Variants in MED12L observed in about 807,000 individuals in gnomAD.
MED12L encodes the protein mediator complex subunit 12L.
MED12L carries 60 observed loss-of-function variants against 281.3 expected under a neutral mutation model. The ratio of observed to expected loss-of-function variants is 0.21; its 90% CI spans 0.17 to 0.26. MED12L has a LOEUF of 0.26. MED12L is among the 10% of genes least tolerant of loss of function. MED12L has a pLI of 1.00. For synonymous variants in MED12L, 974 were observed against 987.2 expected, an observed-to-expected ratio of 0.99 and a Z score of 0.25; for missense variants, 2,146 against 2,680.9, an observed-to-expected ratio of 0.80 and a Z score of 4.41.
At chr3:151,148,704 C>A (rs1232969698) in intron 5 of MED12L, among the ~76,000 whole-genome samples, 3 of 152,252 alleles carry the variant, frequency 2.0e-5, no homozygotes, top group Non-Finnish European at 2.9e-5. Context: ...TTAAAAAAAA[C>A]AATCTCTGTT....
At chr3:151,333,637 G>T (rs904906011) in intron 16 of MED12L, among the ~76,000 whole-genome samples, 1 of 152,100 alleles carries the variant, frequency 6.6e-6, no homozygotes, top group Non-Finnish European at 1.5e-5. Flanking sequence ...ATATATTTTT[G>T]AGCATTTTTT....
At chr3:151,347,635 T>C (rs962448001) in intron 16 of MED12L, among the ~76,000 whole-genome samples, 1 of 152,104 alleles carries the variant, frequency 6.6e-6, no homozygotes, top group Non-Finnish European at 1.5e-5. Context: ...AGGGAGGAAG[T>C]GCCCTGGAGT....
chr3:151,140,366 T>G (rs1237352491), intron 5 of MED12L, among the ~76,000 whole-genome samples: 1 of 152,216 alleles, frequency 6.6e-6, no homozygotes, highest in Non-Finnish European at 1.5e-5. Flanking sequence ...TTTTTTCTCT[T>G]GCAAAACTGA....
At chr3:151,103,431 G>C (rs900281542) in intron 2 of MED12L, among the ~76,000 whole-genome samples, 4 of 152,224 alleles carry the variant, frequency 2.6e-5, no homozygotes, top group Non-Finnish European at 5.9e-5. Context: ...GGAACTGCCT[G>C]TCTCACTAGG....
intron 16 of MED12L, among the ~76,000 whole-genome samples, chr3:151,254,375 G>T (rs1190399990): frequency 6.6e-6 from 1 of 152,176 alleles, no homozygotes; most frequent in Non-Finnish European, 1.5e-5. Context: ...ATTTACGTTT[G>T]AAGGATTGCA....
chr3:151,391,647 G>A (rs1262638930), intron 38 of MED12L, among the ~76,000 whole-genome samples: 1 of 152,146 alleles, frequency 6.6e-6, no homozygotes, highest in Non-Finnish European at 1.5e-5. Flanking sequence ...TTTTTGTTGG[G>A]CTGCATACAA....
chr3:151,369,515 C>T lies in MED12L; in HGVS notation c.3630C>T (p.Ala1210=), dbSNP rs762797982. 34 of 1,611,030 alleles carry T rather than the reference C, an allele frequency of 2.1e-5. No individual in the cohort carries two copies. The highest frequency in any genetic ancestry group is 2.4e-5 in the Non-Finnish European group (28 of 1,177,970). The change falls in exon 26 of 45, where the codon GCC becomes GCT. Residue 1210 remains alanine, a synonymous_variant. Coordinates refer to ENST00000687756, the MANE Select transcript of MED12L (RefSeq NM_001393769.1). The part of the protein sequence containing the change: ...AAAHNSIEVG[A]VFAVLKAIMM... ...CTCACAACAGCATTGAAGTGGGAGC[C>T]GTGTTTGCTGTCTTAAAAGCAATTA...
chr3:151,251,775 C>G (rs1001466268), intron 16 of MED12L, among the ~76,000 whole-genome samples: 4 of 152,180 alleles, frequency 2.6e-5, no homozygotes, highest in Non-Finnish European at 4.4e-5. Flanking sequence ...CTTCTTTCAC[C>G]TGGCTTATTC....
chr3:151,400,579 C>G (rs914187258), intron 39 of MED12L, among the ~76,000 whole-genome samples: 1 of 152,168 alleles, frequency 6.6e-6, no homozygotes, highest in African/African-American at 2.4e-5. Flanking sequence ...GTATCCAAAT[C>G]AAGGAAATAG....
In MED12L at chr3:151,179,437, C is replaced by G. The variant is rs62284840; in HGVS notation, c.1495-5893C>G. 5.3e-3 allele frequency among the ~76,000 whole-genome samples: 813 copies of G among 152,278 alleles called. 5 individuals carry two copies. Among genetic ancestry groups the G allele is most frequent in the South Asian group, 7.5e-3 (36 of 4,822 alleles). On this transcript the variant is annotated intron_variant, in intron 11 of 44. Transcript: ENST00000687756. Reference sequence around the variant, plus strand: ...CTGAAATGTTTTACAGGACATTGCACCTAATGAGTACCTGATGGAGTGAAT... The same window carrying G: ...CTGAAATGTTTTACAGGACATTGCAGCTAATGAGTACCTGATGGAGTGAAT...
intron 2 of MED12L, among the ~76,000 whole-genome samples, chr3:151,096,802 C>T (rs773843520): frequency 2.1e-4 from 32 of 152,180 alleles, no homozygotes; most frequent in Non-Finnish European, 4.0e-4. Flanking sequence ...ACTTGTGTGC[C>T]CTGATTTGTT....
At chr3:151,197,244 A>G (rs1008406464) in intron 16 of MED12L, among the ~76,000 whole-genome samples, 1 of 152,052 alleles carries the variant, frequency 6.6e-6, no homozygotes, top group Non-Finnish European at 1.5e-5. Context: ...GCTCACTGCA[A>G]CCTCTGCCTC....
chr3:151,232,101 T>C (rs1731798482), intron 16 of MED12L, among the ~76,000 whole-genome samples: 1 of 152,180 alleles, frequency 6.6e-6, no homozygotes, highest in South Asian at 2.1e-4. Flanking sequence ...TCTGCTATTT[T>C]TCTTACCTTT....
In MED12L at chr3:151,436,533, A is replaced by ATGCATTTATTTAC; in HGVS notation, c.*3730_*3742dup. ...AATAAATCAGTATCATCAGTTCATA[A>ATGCATTTATTTAC]TGCATTTATTTACAAGTCCTTTTAT... On this transcript the variant is annotated 3_prime_UTR_variant, in exon 45 of 45. Transcript: ENST00000687756. 1.7e-6 allele frequency: 1 copy of ATGCATTTATTTAC among 584,650 alleles called. No homozygotes were observed. Among genetic ancestry groups the ATGCATTTATTTAC allele is most frequent in the East Asian group, 2.9e-5 (1 of 35,062 alleles). The allele number at this position is 584,650 out of a possible 1,614,324, so 36.2% of individuals were successfully genotyped here. A position where few individuals can be genotyped will look rare whatever the true frequency, so the allele number is the denominator to read the frequency against.
At chr3:151,373,317 A>C (rs1402767079) in intron 27 of MED12L, among the ~76,000 whole-genome samples, 2 of 152,134 alleles carry the variant, frequency 1.3e-5, no homozygotes, top group Non-Finnish European at 1.5e-5. Flanking sequence ...TGTGATGTCC[A>C]TTTGCACCTC....
At chr3:151,317,289 A>G (rs1748382790) in intron 16 of MED12L, among the ~76,000 whole-genome samples, 1 of 152,010 alleles carries the variant, frequency 6.6e-6, no homozygotes, top group Admixed American at 6.5e-5. Flanking sequence ...ATTTTTACAC[A>G]TACACAATGA....
chr3:151,273,113 T>G (rs1268790352), intron 16 of MED12L, among the ~76,000 whole-genome samples: 1 of 152,150 alleles, frequency 6.6e-6, no homozygotes, highest in African/African-American at 2.4e-5. Context: ...TCAAGGAATA[T>G]TCAACCTCTG....
At chr3:151,124,900 A>T (rs1321295628) in intron 4 of MED12L, among the ~76,000 whole-genome samples, 1 of 152,160 alleles carries the variant, frequency 6.6e-6, no homozygotes, top group Non-Finnish European at 1.5e-5. Context: ...GACTTTGATT[A>T]CTGTGGTCTG....
chr3:151,135,949 C>T (rs550911817), intron 5 of MED12L, among the ~76,000 whole-genome samples: 7 of 152,134 alleles, frequency 4.6e-5, no homozygotes, highest in South Asian at 2.1e-4. Flanking sequence ...ACATATCATG[C>T]GCATGAGGTC....
Sources: gnomAD v4.1 joint callset for allele counts (sites outside exome capture counted in the v4.1 genomes callset) on GRCh38, gnomAD v4.1.1 for gene constraint, MANE v1.5 for transcripts, NCBI Gene and HGNC (gene_info 2026-07-23, HGNC 2026-07-21) for gene names.